Variants in ABCC2 observed in about 807,000 individuals in gnomAD.
ABCC2 encodes the protein ATP-binding cassette sub-family C member 2.
Under a neutral mutation model 173.4 loss-of-function variants are expected in ABCC2, and 157 were observed. The observed-to-expected ratio is 0.91, with a 90% CI of 0.80 to 1.03. The LOEUF (loss-of-function observed/expected upper bound fraction) is 1.03. Among genes scored for constraint, ABCC2 ranks in the 50% least tolerant of loss-of-function variants. The probability of loss-of-function intolerance (pLI) is 0.00; values close to 1 mark genes in which losing one functional copy is unlikely to be tolerated. For missense variants in ABCC2, 1,822 were observed against 1,852.3 expected (o/e 0.98, Z 0.30); for synonymous variants, 657 against 693.5 (o/e 0.95, Z 0.83).
chr10:99,793,706 T>C, intron 4 of ABCC2, 21 bp downstream of exon 4: 1 of 1,614,044 alleles, frequency 6.2e-7, no homozygotes. Flanking sequence ...AAAGAGTGGA[T>C]GACATGAGGA....
At chr10:99,790,836 T>G (rs2132961732) in intron 2 of ABCC2, among the ~76,000 whole-genome samples, 1 of 152,348 alleles carries the variant, frequency 6.6e-6, no homozygotes, top group South Asian at 2.1e-4. Context: ...CTTTCTTGGC[T>G]GGTTTTCATT....
chr10:99,792,592 A>G (rs1324772173), intron 3 of ABCC2, among the ~76,000 whole-genome samples: 4 of 152,224 alleles, frequency 2.6e-5, no homozygotes, highest in African/African-American at 9.7e-5. Context: ...TTTCATGACT[A>G]AGATGTATAT....
rs944245835 is a variant in ABCC2 at position 99,844,184 on chromosome 10, C to T, written c.3844-138C>T. The T allele has an allele frequency of 2.3e-5, 24 of 1,048,674 alleles. No individual in the cohort carries two copies. The Admixed American group carries it at 4.3e-4, about 19-fold the overall frequency. The allele number at this position is 1,048,674 out of a possible 1,614,324, so 65.0% of individuals were successfully genotyped here. Reference sequence around the variant, plus strand: ...ACTTTCCAAAAGTGCAAGTCTAGTTCAGCCTATTAAATGCAGAGGCCATTA... The same window carrying T: ...ACTTTCCAAAAGTGCAAGTCTAGTTTAGCCTATTAAATGCAGAGGCCATTA... On this transcript the variant is annotated intron_variant, in intron 27 of 31. Coordinates refer to ENST00000647814, the MANE Select transcript of ABCC2 (RefSeq NM_000392.5).
chr10:99,821,226 G>A (rs1213798112), intron 19 of ABCC2, among the ~76,000 whole-genome samples: 8 of 152,230 alleles, frequency 5.3e-5, no homozygotes, highest in African/African-American at 1.9e-4. Flanking sequence ...CCAGCCCTAA[G>A]GCGGTTTTTC....
chr10:99,819,459 C>G (rs2038491232), intron 19 of ABCC2, among the ~76,000 whole-genome samples, 190 bp downstream of exon 19: 1 of 152,140 alleles, frequency 6.6e-6, no homozygotes, highest in African/African-American at 2.4e-5. Context: ...TATGCCTGGG[C>G]CAAACTGGTG....
chr10:99,806,695 G>A (rs1373179800), intron 11 of ABCC2, among the ~76,000 whole-genome samples: 1 of 152,178 alleles, frequency 6.6e-6, no homozygotes, highest in African/African-American at 2.4e-5. Flanking sequence ...AAGTTTGTAT[G>A]GGATAGACAG....
intron 3 of ABCC2, among the ~76,000 whole-genome samples, 182 bp downstream of exon 3, chr10:99,792,541 G>A (rs768265527): frequency 6.6e-6 from 1 of 152,226 alleles, no homozygotes; most frequent in African/African-American, 2.4e-5. Context: ...CTTCATTTGA[G>A]CATTAATGTA....
At chr10:99,793,128 T>A (rs1437022088) in intron 3 of ABCC2, among the ~76,000 whole-genome samples, 2 of 152,222 alleles carry the variant, frequency 1.3e-5, no homozygotes, top group South Asian at 2.1e-4. Context: ...CAAGATTTTT[T>A]AAAAAAATTA....
intron 2 of ABCC2, chr10:99,788,455 G>A (rs935692891): frequency 2.6e-5 from 4 of 152,096 alleles, no homozygotes; most frequent in African/African-American, 7.2e-5. Flanking sequence ...AGTATATCAA[G>A]GCAGAATACA....
Position 99,845,635 on chromosome 10 carries a change from G to C in ABCC2, c.3999G>C (p.Val1333=). The change falls in exon 29 of 32, where the codon GTG becomes GTC. Residue 1333 remains valine (V), a synonymous_variant. Coordinates refer to ENST00000647814, the MANE Select transcript of ABCC2 (RefSeq NM_000392.5). ...AACTATATTCGCAGATTGGTGTGGTGGGCAGGACAGGAGCTGGAAAGTCAT... is the reference window on the plus strand; with the variant it reads ...AACTATATTCGCAGATTGGTGTGGTCGGCAGGACAGGAGCTGGAAAGTCAT... The part of the protein sequence containing the change: ...DIGSMEKIGV[V]GRTGAGKSSL... 6.2e-7 allele frequency: 1 copy of C among 1,614,016 alleles called. No homozygotes were observed. The highest frequency in any genetic ancestry group is 8.5e-7 in the Non-Finnish European group (1 of 1,179,976).
intron 2 of ABCC2, chr10:99,789,546 C>T (rs2037776609): frequency 6.6e-6 from 1 of 152,118 alleles, no homozygotes; most frequent in Middle Eastern, 3.4e-3. Context: ...GAAACCCCAT[C>T]TCTACTAAAA....
chr10:99,794,688 G>A, intron 6 of ABCC2: 1 of 511,512 alleles, frequency 2.0e-6, no homozygotes, highest in Non-Finnish European at 3.5e-6. Context: ...GGGATTACAG[G>A]TGTGAGCTAC....
intron 19 of ABCC2, among the ~76,000 whole-genome samples, chr10:99,829,758 CT>C (rs578202033): frequency 1.4e-3 from 218 of 152,286 alleles, no homozygotes; most frequent in African/African-American, 4.8e-3. Flanking sequence ...TCCCAAGTAG[CT>C]GGGACCACAG....
In ABCC2 at chr10:99,850,753, A is replaced by G. The variant is rs376336059; in HGVS notation, c.4465A>G (p.Ile1489Val). 7.4e-6 allele frequency: 12 copies of G among 1,614,092 alleles called. No individual in the cohort carries two copies. The East Asian group carries it at 1.6e-4, about 21-fold the overall frequency. The change falls in exon 31 of 32, where the codon ATC becomes GTC. Residue 1489 changes from isoleucine (I) to valine (V), a missense_variant. Physicochemically the swap from Ile to Val is conservative, Grantham distance 29 (BLOSUM62 3). Coordinates refer to ENST00000647814, the MANE Select transcript of ABCC2 (RefSeq NM_000392.5). Reference protein sequence around the residue: ...IQNEFAHCTVITIAHRLHTIM... With the variant: ...IQNEFAHCTVVTIAHRLHTIM... ...AAACGAGTTCGCCCACTGCACAGTG[A>G]TCACCATCGCCCACAGGCTGCACAC...
At chr10:99,807,549 C>A (rs139422102) in intron 12 of ABCC2, 28 bp downstream of exon 12, 9 of 1,613,578 alleles carry the variant, frequency 5.6e-6, no homozygotes, top group East Asian at 2.2e-5. Context: ...CCATGGGCTG[C>A]GTATTCACCT....
intron 20 of ABCC2, 58 bp from the exon 21 acceptor site, chr10:99,830,658 G>A: frequency 3.1e-6 from 5 of 1,612,792 alleles, no homozygotes; most frequent in East Asian, 2.2e-5. Context: ...TGTGACATCT[G>A]CTTGCAAGAA....
intron 4 of ABCC2, 86 bp downstream of exon 4, chr10:99,793,771 G>T: frequency 6.3e-7 from 1 of 1,594,050 alleles, no homozygotes; most frequent in Non-Finnish European, 8.6e-7. Flanking sequence ...TGAGCTCCAG[G>T]ATCGAATTGT....
intron 24 of ABCC2, among the ~76,000 whole-genome samples, chr10:99,834,940 T>C (rs2038796354): frequency 1.3e-5 from 2 of 152,274 alleles, no homozygotes; most frequent in East Asian, 3.8e-4. Context: ...TGGACAGGCA[T>C]AGCTGCTTGG....
intron 19 of ABCC2, among the ~76,000 whole-genome samples, chr10:99,823,059 T>C (rs1233298081): frequency 6.6e-6 from 1 of 152,068 alleles, no homozygotes; most frequent in Non-Finnish European, 1.5e-5. Context: ...TACATGAACA[T>C]ATGATAATTT....
Sources: allele counts gnomAD v4.1 joint callset (sites outside exome capture counted in the v4.1 genomes callset), GRCh38; gene constraint gnomAD v4.1.1; transcripts MANE v1.5; gene names NCBI Gene and HGNC (gene_info 2026-07-23, HGNC 2026-07-21).